The following GRIN2A variants were observed in gnomAD, a reference collection of about 807,000 sequenced individuals.
GRIN2A encodes glutamate receptor ionotropic, NMDA 2A.
In GRIN2A, 22 loss-of-function variants were observed where a neutral mutation model predicts 113.4. That is an observed-to-expected ratio of 0.19 (90% CI 0.14 to 0.28). The LOEUF (loss-of-function observed/expected upper bound fraction) is 0.28, where lower values mean the gene tolerates loss of function less well. GRIN2A is among the 10% of genes least tolerant of loss of function. The pLI is 1.00. For missense variants in GRIN2A, 1,502 were observed against 1,887.0 expected (o/e 0.80, Z 3.78); for synonymous variants, 827 against 738.4 (o/e 1.12, Z -1.94).
At chr16:10,167,125 GT>G (rs34341060) in intron 2 of GRIN2A, among the ~76,000 whole-genome samples, 149,147 of 152,238 alleles carry the variant, frequency 0.98, 73,120 homozygotes, top group East Asian at 1. Context: ...GATCAACTGT[GT>G]TTAATAAACC....
At chr16:9,998,375 G>T (rs1418602469) in intron 2 of GRIN2A, among the ~76,000 whole-genome samples, 1 of 152,206 alleles carries the variant, frequency 6.6e-6, no homozygotes. Flanking sequence ...ATTATTGGTT[G>T]CCAGGGAGCT....
intron 12 of GRIN2A, among the ~76,000 whole-genome samples, chr16:9,767,203 T>C (rs990432010): frequency 1.2e-4 from 18 of 152,164 alleles, no homozygotes; most frequent in African/African-American, 4.3e-4. Context: ...TCAAGCTAAT[T>C]AGGAAATATG....
At chr16:10,010,272 C>T (rs185162339) in intron 2 of GRIN2A, among the ~76,000 whole-genome samples, 95 of 152,330 alleles carry the variant, frequency 6.2e-4, no homozygotes, top group Admixed American at 2.1e-3. Flanking sequence ...AAGAAGAATC[C>T]TCACCTAGGT....
intron 2 of GRIN2A, among the ~76,000 whole-genome samples, chr16:10,113,871 C>T (rs1400242541): frequency 6.6e-6 from 1 of 152,130 alleles, no homozygotes; most frequent in Non-Finnish European, 1.5e-5. Context: ...AAGACTATTT[C>T]ATGACCTTGA....
chr16:9,866,484 G>A (rs2043161950), intron 4 of GRIN2A, among the ~76,000 whole-genome samples: 1 of 152,016 alleles, frequency 6.6e-6, no homozygotes. Flanking sequence ...GGGATACCAT[G>A]GGACAAGACT....
intron 4 of GRIN2A, among the ~76,000 whole-genome samples, chr16:9,859,764 T>TC (rs1414689852): frequency 6.6e-6 from 1 of 151,676 alleles, no homozygotes; most frequent in Non-Finnish European, 1.5e-5. Flanking sequence ...CCTTATTATC[T>TC]CCCCCTACTG....
In GRIN2A at chr16:9,975,748, G is replaced by T. The variant is rs141440529; in HGVS notation, c.415-37197C>A. Reference sequence around the variant, plus strand: ...CTCAGAATGGATCAAACAAAAACAAGACCAACTATTCTCTACCTACAAGAG... The same window carrying T: ...CTCAGAATGGATCAAACAAAAACAATACCAACTATTCTCTACCTACAAGAG... On this transcript the variant is annotated intron_variant, in intron 2 of 12. Coordinates refer to ENST00000330684, the MANE Select transcript of GRIN2A (RefSeq NM_001134407.3). Among the ~76,000 whole-genome samples the T allele has an allele frequency of 2.0e-5, 3 of 152,270 alleles. No individual in the cohort carries two copies. The East Asian group carries it at 5.8e-4, about 29-fold the overall frequency.
intron 2 of GRIN2A, among the ~76,000 whole-genome samples, chr16:10,106,523 C>T (rs1314400724): frequency 6.6e-6 from 1 of 151,960 alleles, no homozygotes; most frequent in Non-Finnish European, 1.5e-5. Context: ...TTCACAGCAT[C>T]CTTCTCTGGG....
Position 9,756,280 on chromosome 16 carries a change from A to T in GRIN2A, c.*6869T>A. ...TGCTAAGTAGAGAAAATAACTCCCC[A>T]GAAATTTTTTTAAATGCTAAGTGCA... is the stretch of plus-strand genomic sequence containing the variant. On this transcript the variant is annotated 3_prime_UTR_variant, in exon 13 of 13. Coordinates refer to ENST00000330684, the MANE Select transcript of GRIN2A (RefSeq NM_001134407.3). The T allele has an allele frequency of 4.4e-6, 1 of 228,764 alleles. No homozygotes were observed. The highest frequency in any genetic ancestry group is 8.7e-6 in the Non-Finnish European group (1 of 115,132). 14.2% of individuals were successfully genotyped at this position (228,764 alleles called of 1,614,324 possible).
chr16:10,103,300 C>T (rs1279866042), intron 2 of GRIN2A, among the ~76,000 whole-genome samples: 1 of 152,174 alleles, frequency 6.6e-6, no homozygotes, highest in Admixed American at 6.5e-5. Flanking sequence ...AAAGAAACAA[C>T]ACACTTGGGG....
intron 2 of GRIN2A, among the ~76,000 whole-genome samples, chr16:10,058,168 T>A (rs930644141): frequency 6.6e-5 from 10 of 151,820 alleles, no homozygotes; most frequent in Non-Finnish European, 2.9e-5. Flanking sequence ...GGCGGGAGAA[T>A]TGCTTGAACC....
chr16:9,881,062 T>C (rs1247843627), intron 4 of GRIN2A, among the ~76,000 whole-genome samples: 3 of 152,214 alleles, frequency 2.0e-5, no homozygotes, highest in East Asian at 3.8e-4. Context: ...TGAATAAATA[T>C]GGATTACATA....
At chr16:9,855,704 GAC>G (rs1356744000) in intron 4 of GRIN2A, among the ~76,000 whole-genome samples, 517 of 152,300 alleles carry the variant, frequency 3.4e-3, no homozygotes, top group African/African-American at 0.011. Context: ...CTCCTTACTT[GAC>G]ATTTAATTCT....
intron 4 of GRIN2A, among the ~76,000 whole-genome samples, chr16:9,860,866 G>A (rs1471250829): frequency 1.3e-5 from 2 of 152,122 alleles, no homozygotes; most frequent in African/African-American, 2.4e-5. Flanking sequence ...ATCCATGTTC[G>A]ATATAGTATA....
At chr16:10,008,754 A>T (rs375612942) in intron 2 of GRIN2A, among the ~76,000 whole-genome samples, 1 of 152,240 alleles carries the variant, frequency 6.6e-6, no homozygotes, top group Non-Finnish European at 1.5e-5. Flanking sequence ...CCATTAGGGT[A>T]CATTTTCACC....
At chr16:9,784,089 A>G (rs1393445230) in intron 11 of GRIN2A, among the ~76,000 whole-genome samples, 1 of 152,194 alleles carries the variant, frequency 6.6e-6, no homozygotes, top group South Asian at 2.1e-4. Context: ...TTACCTATAT[A>G]GCAAACCCGT....
At chr16:10,115,969 G>T (rs187490632) in intron 2 of GRIN2A, among the ~76,000 whole-genome samples, 23 of 152,236 alleles carry the variant, frequency 1.5e-4, no homozygotes, top group Admixed American at 1.1e-3. Flanking sequence ...CCGTTACAGG[G>T]TATATACTTA....
At chr16:10,144,125 G>C (rs1596549732) in intron 2 of GRIN2A, among the ~76,000 whole-genome samples, 1 of 152,142 alleles carries the variant, frequency 6.6e-6, no homozygotes, top group Non-Finnish European at 1.5e-5. Flanking sequence ...TGGATCATAA[G>C]ATAGTTCCAT....
At chr16:10,114,094 A>G (rs1398457916) in intron 2 of GRIN2A, among the ~76,000 whole-genome samples, 3 of 152,278 alleles carry the variant, frequency 2.0e-5, no homozygotes, top group South Asian at 2.1e-4. Flanking sequence ...CTGGAGGCTG[A>G]GGCAAGAAAA....
Sources: gnomAD v4.1 joint callset for allele counts (sites outside exome capture counted in the v4.1 genomes callset) on GRCh38, gnomAD v4.1.1 for gene constraint, MANE v1.5 for transcripts, NCBI Gene and HGNC (gene_info 2026-07-23, HGNC 2026-07-21) for gene names.